The following PROK2 variants were observed in gnomAD, a reference collection of about 807,000 sequenced individuals.
The protein encoded by PROK2 is prokineticin 2.
A neutral mutation model predicts 14.2 loss-of-function variants in PROK2; 8 were observed. The ratio of observed to expected loss-of-function variants is 0.56; its 90% CI spans 0.33 to 1.02. The LOEUF (loss-of-function observed/expected upper bound fraction) is 1.02. Among genes scored for constraint, PROK2 ranks in the 50% least tolerant of loss-of-function variants. PROK2 has a pLI of 0.03. For synonymous variants in PROK2, 59 were observed against 60.7 expected (o/e 0.97, Z 0.13); for missense variants, 154 against 160.4 (o/e 0.96, Z 0.22).
intron 2 of PROK2, among the ~76,000 whole-genome samples, chr3:71,775,338 A>G (rs2050109943): frequency 6.6e-6 from 1 of 152,212 alleles, no homozygotes; most frequent in Admixed American, 6.5e-5. Context: ...CGAGCATACA[A>G]TGATGAGCAA....
At chr3:71,780,670 C>T (rs568987110) in intron 2 of PROK2, among the ~76,000 whole-genome samples, 60 of 152,250 alleles carry the variant, frequency 3.9e-4, no homozygotes, top group African/African-American at 1.4e-3. Flanking sequence ...CTGTTGAGAC[C>T]ACACTGTGTT....
At position 71,772,623 on chromosome 3, in the gene PROK2, A is replaced by G; in HGVS notation, c.*101T>C. The G allele has an allele frequency of 1.0e-6, 1 of 995,654 alleles. No homozygotes were observed. Among genetic ancestry groups the G allele is most frequent in the Admixed American group, 1.8e-5 (1 of 55,124 alleles). 61.7% of individuals were successfully genotyped at this position (995,654 alleles called of 1,614,324 possible). On this transcript the variant is annotated 3_prime_UTR_variant, in exon 4 of 4. Coordinates refer to ENST00000295619, the MANE Select transcript of PROK2 (RefSeq NM_001126128.2). ...ATGTTACTTGGAAAGTTGAGGAAGC[A>G]AGAGCATTTCTTTCTGGCACATTTT...
chr3:71,778,340 T>C (rs1441396260), intron 2 of PROK2, among the ~76,000 whole-genome samples: 1 of 152,204 alleles, frequency 6.6e-6, no homozygotes, highest in African/African-American at 2.4e-5. Flanking sequence ...ATCTCACATA[T>C]TTTATTCTAT....
intron 1 of PROK2, among the ~76,000 whole-genome samples, chr3:71,782,641 A>G (rs1304943045): frequency 6.6e-6 from 1 of 152,218 alleles, no homozygotes; most frequent in African/African-American, 2.4e-5. Flanking sequence ...TATGTAAGAA[A>G]CTAAAACCTC....
intron 1 of PROK2, 139 bp downstream of exon 1, chr3:71,784,818 G>C (rs1578414879): frequency 1.5e-6 from 1 of 650,442 alleles, no homozygotes; most frequent in Admixed American, 4.4e-5. Flanking sequence ...AGTGCACCAA[G>C]GGGCGACAGG....
intron 1 of PROK2, among the ~76,000 whole-genome samples, chr3:71,783,045 T>C (rs560575058): frequency 1.4e-4 from 21 of 152,214 alleles, no homozygotes; most frequent in Non-Finnish European, 2.5e-4. Flanking sequence ...AACAAATCTA[T>C]GTGGGCATAT....
At chr3:71,774,865 CG>C (rs765330389) in intron 2 of PROK2, among the ~76,000 whole-genome samples, 5 of 152,106 alleles carry the variant, frequency 3.3e-5, no homozygotes, top group East Asian at 1.9e-4. Context: ...TGATCATCAA[CG>C]ACCTTTATAG....
chr3:71,785,030 G>A lies in PROK2; in HGVS notation c.23C>T (p.Pro8Leu). The stretch of plus-strand genomic sequence containing the variant: ...CGGCAGCAGCAAGAGGAGCAGGAGT[G>A]GGGCGCAGCACAGGCTCCTCATGGC... MRSLCCA[P>L]LLLLLLLPPL... The change falls in exon 1 of 4, where the codon CCA (proline) becomes CTA (leucine). Residue 8 changes from proline (P) to leucine (L), a missense_variant. By Grantham distance (98) the Pro-to-Leu change is moderately conservative. Coordinates refer to ENST00000295619, the MANE Select transcript of PROK2 (RefSeq NM_001126128.2). 8.0e-7 allele frequency: 1 copy of A among 1,244,476 alleles called. No homozygotes were observed. The highest frequency in any genetic ancestry group is 2.5e-4 in the Middle Eastern group (1 of 3,976). 77.1% of individuals were successfully genotyped at this position (1,244,476 alleles called of 1,614,324 possible).
At chr3:71,775,756 G>A (rs1329454869) in intron 2 of PROK2, among the ~76,000 whole-genome samples, 1 of 152,072 alleles carries the variant, frequency 6.6e-6, no homozygotes, top group Non-Finnish European at 1.5e-5. Context: ...ACACCACCAA[G>A]CCCAGACTCC....
chr3:71,775,329 G>A (rs2050109882), intron 2 of PROK2, among the ~76,000 whole-genome samples: 1 of 152,204 alleles, frequency 6.6e-6, no homozygotes, highest in African/African-American at 2.4e-5. Context: ...CTTAAGTGCC[G>A]AGCATACAAT....
rs2108188332 is a variant in PROK2, at chr3:71,772,672, G to A, written c.*52C>T. ...TTTTGTTTGGCACAATCACAAGTAA[G>A]ACTTTACAGGTAAGATGTGGCTATT... On this transcript the variant is annotated 3_prime_UTR_variant, in exon 4 of 4. Transcript: ENST00000295619. 1 of 1,495,180 alleles carries A rather than the reference G, an allele frequency of 6.7e-7. No homozygotes were observed. The highest frequency in any genetic ancestry group is 9.3e-7 in the Non-Finnish European group (1 of 1,071,994). The allele number at this position is 1,495,180 out of a possible 1,614,324, so 92.6% of individuals were successfully genotyped here.
At chr3:71,780,888 T>C (rs1304048507) in intron 2 of PROK2, among the ~76,000 whole-genome samples, 1 of 152,228 alleles carries the variant, frequency 6.6e-6, no homozygotes, top group Non-Finnish European at 1.5e-5. Context: ...AAAAGTGTTA[T>C]TTAGGTCACT....
intron 2 of PROK2, among the ~76,000 whole-genome samples, chr3:71,779,185 T>A (rs1450355425): frequency 1.3e-5 from 2 of 152,248 alleles, no homozygotes; most frequent in Non-Finnish European, 2.9e-5. Context: ...ATTCCAGTGA[T>A]CATTTTGTCT....
At chr3:71,782,682 T>C (rs565907586) in intron 1 of PROK2, among the ~76,000 whole-genome samples, 1 of 152,304 alleles carries the variant, frequency 6.6e-6, no homozygotes, top group African/African-American at 2.4e-5. Context: ...AAATGTACAA[T>C]TAGTGGAAAC....
At chr3:71,778,720 A>G (rs1435428313) in intron 2 of PROK2, among the ~76,000 whole-genome samples, 2 of 152,228 alleles carry the variant, frequency 1.3e-5, no homozygotes, top group Non-Finnish European at 2.9e-5. Context: ...TGAACAGACC[A>G]TACAGCTGAG....
chr3:71,773,018 C>T (rs534590366), intron 3 of PROK2, among the ~76,000 whole-genome samples, 190 bp from the exon 4 acceptor site: 27 of 152,258 alleles, frequency 1.8e-4, no homozygotes, highest in Non-Finnish European at 3.4e-4. Context: ...CTTGCTCTGT[C>T]GTCCAGGCTG....
In PROK2 at chr3:71,772,370, AG is replaced by A; in HGVS notation, c.*353del. 1 of 238,996 alleles carries A rather than the reference AG, an allele frequency of 4.2e-6. No individual in the cohort carries two copies. The highest frequency in any genetic ancestry group is 5.0e-5 in the South Asian group (1 of 19,996). 14.8% of individuals were successfully genotyped at this position (238,996 alleles called of 1,614,324 possible). A position where few individuals can be genotyped will look rare whatever the true frequency, so the allele number is the denominator to read the frequency against. ...GGCACAAATGGGGCTTGGGGTGGTG[AG>A]AAAAAAAAAAAAAAGTTTTTCTAAC... On this transcript the variant is annotated 3_prime_UTR_variant, in exon 4 of 4. Coordinates refer to ENST00000295619, the MANE Select transcript of PROK2 (RefSeq NM_001126128.2).
intron 1 of PROK2, among the ~76,000 whole-genome samples, chr3:71,782,309 C>T (rs1415325819): frequency 6.6e-6 from 1 of 152,130 alleles, no homozygotes; most frequent in African/African-American, 2.4e-5. Context: ...CATATATGTA[C>T]ATTACAAAAT....
Position 71,785,008 on chromosome 3 carries a change from C to T in PROK2, c.45G>A (p.Leu15=). Residue 15 remains leucine (L), a synonymous_variant, in exon 1 of 4, where the codon CTG becomes CTA. Coordinates refer to ENST00000295619, the MANE Select transcript of PROK2 (RefSeq NM_001126128.2). ...CCAPLLLLLL[L]PPLLLTPRAG... is the part of the protein sequence containing the mutation. The stretch of plus-strand genomic sequence containing the variant: ...CGCGGGGCGTGAGCAGCAGCGGCGG[C>T]AGCAGCAAGAGGAGCAGGAGTGGGG... 1 of 1,248,472 alleles carries T rather than the reference C, an allele frequency of 8.0e-7. No homozygotes were observed. The highest frequency in any genetic ancestry group is 1.0e-6 in the Non-Finnish European group (1 of 993,640). 77.3% of individuals were successfully genotyped at this position (1,248,472 alleles called of 1,614,324 possible).
Sources: allele counts gnomAD v4.1 joint callset (sites outside exome capture counted in the v4.1 genomes callset), GRCh38; gene constraint gnomAD v4.1.1; transcripts MANE v1.5; gene names NCBI Gene and HGNC (gene_info 2026-07-23, HGNC 2026-07-21).